The following GRID1 variants were observed in gnomAD, a reference collection of about 807,000 sequenced individuals.
The protein encoded by GRID1 is glutamate ionotropic receptor delta type subunit 1.
In GRID1, 28 loss-of-function variants were observed where a neutral mutation model predicts 98.0. The ratio of observed to expected loss-of-function variants is 0.29; its 90% confidence interval spans 0.21 to 0.39. The LOEUF is 0.39. Ranked by LOEUF, GRID1 falls within the 10% of genes least tolerant of loss-of-function variation. The pLI is 1.00. For missense variants in GRID1, 1,111 were observed against 1,340.5 expected (o/e 0.83, Z 2.67); for synonymous variants, 553 against 538.5 (o/e 1.03, Z -0.37).
At chr10:86,119,798 T>G (rs368902547) in intron 4 of GRID1, among the ~76,000 whole-genome samples, 1 of 152,036 alleles carries the variant, frequency 6.6e-6, no homozygotes, top group Admixed American at 6.5e-5. Flanking sequence ...TTTGTTTTTT[T>G]GGGTTTTTTT....
At chr10:86,070,887 G>A (rs1843794299) in intron 4 of GRID1, among the ~76,000 whole-genome samples, 1 of 152,164 alleles carries the variant, frequency 6.6e-6, no homozygotes, top group South Asian at 2.1e-4. Flanking sequence ...AAGCATCTGG[G>A]AAGAGAACCA....
rs1427296270 is a variant in GRID1 at position 85,854,526 on chromosome 10, A to G, written c.1203T>C (p.Tyr401=). ...YVQFEILGTT[Y]SETFGKDMRK... ...GCATGTCTTTGCCAAAAGTCTCACT[A>G]TAGGTAGTGCCAAGGATTTCAAACT... The change falls in exon 8 of 16, where the codon TAT becomes TAC. Residue 401 remains tyrosine (Y), a synonymous_variant. Transcript: ENST00000327946. 5 of 1,613,600 alleles carry G rather than the reference A, an allele frequency of 3.1e-6. No homozygotes were observed. In the African/African-American group the frequency reaches 5.3e-5, roughly 17 times the overall value.
At chr10:85,748,144 T>C (rs116669304) in intron 8 of GRID1, among the ~76,000 whole-genome samples, 397 of 151,864 alleles carry the variant, frequency 2.6e-3, no homozygotes, top group African/African-American at 9.1e-3. Context: ...CTATGTGGCC[T>C]CCAAAGACCC....
intron 8 of GRID1, among the ~76,000 whole-genome samples, chr10:85,755,734 T>C (rs1272181546): frequency 6.6e-6 from 1 of 152,108 alleles, no homozygotes; most frequent in Non-Finnish European, 1.5e-5. Context: ...AGCACACGTG[T>C]TGGGGCCCTG....
At chr10:85,655,159 C>T (rs1418432736) in intron 12 of GRID1, among the ~76,000 whole-genome samples, 2 of 152,144 alleles carry the variant, frequency 1.3e-5, no homozygotes, top group African/African-American at 4.8e-5. Flanking sequence ...TGGAAGACCT[C>T]TTGCACACTC....
At chr10:86,297,891 G>C (rs1446612896) in intron 2 of GRID1, among the ~76,000 whole-genome samples, 2 of 152,216 alleles carry the variant, frequency 1.3e-5, no homozygotes, top group Non-Finnish European at 2.9e-5. Context: ...TTAAATAGCA[G>C]AAAATGAAAA....
At chr10:85,708,113 T>TA (rs768805148) in intron 12 of GRID1, among the ~76,000 whole-genome samples, 11,396 of 120,834 alleles carry the variant, frequency 0.094, 475 homozygotes, top group Non-Finnish European at 0.12. Flanking sequence ...TAAAGTATAA[T>TA]AAAAAAAAAA....
chr10:86,077,663 G>A (rs934764296), intron 4 of GRID1, among the ~76,000 whole-genome samples: 5 of 152,216 alleles, frequency 3.3e-5, no homozygotes, highest in African/African-American at 1.2e-4. Context: ...AGAAAAAGGA[G>A]TCTGTCCCCA....
chr10:86,077,807 GA>G (rs1286207533), intron 4 of GRID1, among the ~76,000 whole-genome samples: 2 of 152,062 alleles, frequency 1.3e-5, no homozygotes, highest in South Asian at 2.1e-4. Flanking sequence ...TCATGGATGG[GA>G]AAAAAAACTC....
Position 85,940,860 on chromosome 10 carries a change from C to T in GRID1, c.727-24621G>A, listed in dbSNP as rs563819354. 1.4e-3 allele frequency among the ~76,000 whole-genome samples: 220 copies of T among 152,312 alleles called. 1 individual carries two copies. The highest frequency in any genetic ancestry group is 5.0e-3 in the African/African-American group (206 of 41,560). ...GGCTGAAGAAAGCATCAGCCAGAAC[C>T]TTGGAGAGGAGAAGAGACCGAGGCA... On this transcript the variant is annotated intron_variant, in intron 4 of 15. Coordinates refer to ENST00000327946, the MANE Select transcript of GRID1 (RefSeq NM_017551.3).
intron 8 of GRID1, among the ~76,000 whole-genome samples, chr10:85,730,275 G>T (rs1841808208): frequency 6.6e-6 from 1 of 152,228 alleles, no homozygotes; most frequent in African/African-American, 2.4e-5. Flanking sequence ...TCACCCTAAG[G>T]TGGTCAAGGA....
At chr10:85,880,753 G>A (rs1840995572) in intron 5 of GRID1, among the ~76,000 whole-genome samples, 1 of 152,052 alleles carries the variant, frequency 6.6e-6, no homozygotes, top group Admixed American at 6.5e-5. Context: ...ATTCAACATA[G>A]TGTTGGAAGT....
intron 2 of GRID1, among the ~76,000 whole-genome samples, chr10:86,240,921 G>C (rs1183820426): frequency 6.6e-6 from 1 of 152,244 alleles, no homozygotes; most frequent in Non-Finnish European, 1.5e-5. Flanking sequence ...GAAAGGCGTG[G>C]AAGGTGTCCC....
chr10:85,820,183 G>C (rs369829172), intron 8 of GRID1, among the ~76,000 whole-genome samples: 1 of 151,566 alleles, frequency 6.6e-6, no homozygotes, highest in Non-Finnish European at 1.5e-5. Context: ...GAAAAGAAAA[G>C]AAAACTTCTG....
chr10:85,833,450 G>A (rs970084177), intron 8 of GRID1, among the ~76,000 whole-genome samples: 7 of 151,366 alleles, frequency 4.6e-5, no homozygotes, highest in Non-Finnish European at 7.4e-5. Flanking sequence ...CTAAAATTAA[G>A]TAGTCACTGA....
chr10:86,208,228 G>C (rs1846061970), intron 2 of GRID1, among the ~76,000 whole-genome samples: 1 of 152,174 alleles, frequency 6.6e-6, no homozygotes, highest in Non-Finnish European at 1.5e-5. Flanking sequence ...AGCACCAGCA[G>C]GAAGAGAACC....
rs774230157 is a variant in GRID1, at chr10:86,364,077, G to A, written c.99C>T (p.Asn33=). ...GGAACACCCTGTCGTCCTTGGCCGC[G>A]TTCTCCTCGAAGATGGCACCTGGAG... ...IIHIGAIFEE[N]AAKDDRVFQL... is the part of the protein sequence containing the mutation. The change falls in exon 2 of 16, where the codon AAC becomes AAT. Residue 33 remains asparagine, a synonymous_variant. Coordinates refer to ENST00000327946, the MANE Select transcript of GRID1 (RefSeq NM_017551.3). The A allele has an allele frequency of 2.5e-6, 4 of 1,613,736 alleles. No homozygotes were observed. The highest frequency in any genetic ancestry group is 1.3e-5 in the African/African-American group (1 of 74,938).
At chr10:85,660,674 C>T (rs575742612) in intron 12 of GRID1, among the ~76,000 whole-genome samples, 3 of 151,988 alleles carry the variant, frequency 2.0e-5, no homozygotes, top group Non-Finnish European at 4.4e-5. Flanking sequence ...AACATCAAAC[C>T]TCTTAAGCAG....
At chr10:86,217,981 A>G (rs1846200450) in intron 2 of GRID1, among the ~76,000 whole-genome samples, 1 of 152,170 alleles carries the variant, frequency 6.6e-6, no homozygotes. Context: ...GTCTCCTGAA[A>G]GACAAGAACA....
Sources: gnomAD v4.1 joint callset for allele counts (sites outside exome capture counted in the v4.1 genomes callset) on GRCh38, gnomAD v4.1.1 for gene constraint, MANE v1.5 for transcripts, NCBI Gene and HGNC (gene_info 2026-07-23, HGNC 2026-07-21) for gene names.